ARFIP1: variants seen among roughly 807,000 people sequenced by gnomAD.
The protein encoded by ARFIP1 is arfaptin-1.
Under a neutral mutation model 42.5 loss-of-function variants are expected in ARFIP1, and 24 were observed. The observed-to-expected ratio is 0.57, with a 90% confidence interval of 0.41 to 0.80. The LOEUF is 0.80. Ranked by LOEUF, ARFIP1 falls within the 30% of genes least tolerant of loss-of-function variation. ARFIP1 has a pLI of 0.00. For synonymous variants in ARFIP1, 141 were observed against 153.7 expected (o/e 0.92, Z 0.61); for missense variants, 354 against 434.0 (o/e 0.82, Z 1.64).
intron 1 of ARFIP1, among the ~76,000 whole-genome samples, chr4:152,803,452 A>G (rs1378420150): frequency 2.0e-5 from 3 of 152,176 alleles, no homozygotes; most frequent in African/African-American, 7.2e-5. Context: ...AATGTTTTCC[A>G]GCATCTCTGG....
At chr4:152,886,849 G>A (rs528009309) in intron 7 of ARFIP1, among the ~76,000 whole-genome samples, 3 of 152,034 alleles carry the variant, frequency 2.0e-5, no homozygotes, top group African/African-American at 7.2e-5. Context: ...GTGAATGAAT[G>A]AATGGTTCTC....
intron 2 of ARFIP1, among the ~76,000 whole-genome samples, chr4:152,862,370 T>G (rs1335038599): frequency 6.6e-6 from 1 of 152,086 alleles, no homozygotes; most frequent in Non-Finnish European, 1.5e-5. Flanking sequence ...CTTAACTACA[T>G]TATAAATTGT....
intron 1 of ARFIP1, among the ~76,000 whole-genome samples, chr4:152,788,606 A>G (rs1730952663): frequency 6.6e-6 from 1 of 152,018 alleles, no homozygotes; most frequent in African/African-American, 2.4e-5. Context: ...ACTTGAGCCC[A>G]GGAGGCGGAG....
intron 2 of ARFIP1, among the ~76,000 whole-genome samples, chr4:152,861,536 C>G (rs1733896701): frequency 6.6e-6 from 1 of 152,152 alleles, no homozygotes; most frequent in Non-Finnish European, 1.5e-5. Flanking sequence ...ACATTTAGAA[C>G]ATTAGAATCC....
At position 152,870,866 on chromosome 4, in the gene ARFIP1, T is replaced by G. The variant is rs761709917; in HGVS notation, c.298+18T>G. 3.2e-6 allele frequency: 5 copies of G among 1,583,332 alleles called. No homozygotes were observed. In the South Asian group the frequency reaches 5.5e-5, roughly 18 times the overall value. ...TCCTGCAGGTATTCACTGCACTGAT[T>G]GGATAAAGCACTTATTGCTACTGCT... is the stretch of plus-strand genomic sequence containing the variant. On this transcript the variant is annotated intron_variant, in intron 4 of 8. Transcript: ENST00000353617.
At chr4:152,833,366 A>G (rs144584539) in intron 2 of ARFIP1, among the ~76,000 whole-genome samples, 112 of 152,294 alleles carry the variant, frequency 7.4e-4, no homozygotes, top group African/African-American at 2.4e-3. Context: ...TAGGATGACT[A>G]TTATCAAAAA....
intron 7 of ARFIP1, among the ~76,000 whole-genome samples, chr4:152,883,492 A>G (rs1736015916): frequency 6.6e-6 from 1 of 152,080 alleles, no homozygotes; most frequent in African/African-American, 2.4e-5. Flanking sequence ...TCCAGATTAT[A>G]ACAAGCCTTC....
chr4:152,905,230 A>T (rs1738211483), intron 8 of ARFIP1, among the ~76,000 whole-genome samples: 1 of 152,226 alleles, frequency 6.6e-6, no homozygotes, highest in Non-Finnish European at 1.5e-5. Context: ...ATTGTGTTAC[A>T]TAGTAGCTGC....
At chr4:152,879,535 T>C (rs1735651289) in intron 5 of ARFIP1, among the ~76,000 whole-genome samples, 1 of 152,152 alleles carries the variant, frequency 6.6e-6, no homozygotes, top group African/African-American at 2.4e-5. Flanking sequence ...TTGAAGAACA[T>C]GATAAAGAGC....
chr4:152,836,869 A>C (rs1731690196), intron 2 of ARFIP1, among the ~76,000 whole-genome samples: 1 of 152,074 alleles, frequency 6.6e-6, no homozygotes, highest in African/African-American at 2.4e-5. Context: ...GTGATTTGTT[A>C]GATTTTGGTG....
chr4:152,889,659 T>C (rs1394597433), intron 8 of ARFIP1, among the ~76,000 whole-genome samples: 1 of 130,418 alleles, frequency 7.7e-6, no homozygotes, highest in Non-Finnish European at 1.6e-5. Flanking sequence ...ATATAGTATA[T>C]ATACACTAAT....
intron 8 of ARFIP1, among the ~76,000 whole-genome samples, chr4:152,902,493 C>A (rs1244159952): frequency 4.6e-5 from 7 of 152,124 alleles, no homozygotes; most frequent in Non-Finnish European, 7.4e-5. Flanking sequence ...CAGAGTGAGA[C>A]CCTGTCTCGG....
intron 1 of ARFIP1, among the ~76,000 whole-genome samples, chr4:152,813,485 G>C (rs1729632686): frequency 6.6e-6 from 1 of 151,844 alleles, no homozygotes. Flanking sequence ...TTGATAATCT[G>C]AATATTTTTA....
chr4:152,854,851 G>A (rs147778325), intron 2 of ARFIP1, among the ~76,000 whole-genome samples: 1 of 152,332 alleles, frequency 6.6e-6, no homozygotes, highest in African/African-American at 2.4e-5. Context: ...GCAGTGGTGG[G>A]CTGAGCATGC....
chr4:152,880,861 G>A (rs972277548), intron 5 of ARFIP1, 102 bp from the exon 6 acceptor site: 4 of 870,640 alleles, frequency 4.6e-6, no homozygotes, highest in East Asian at 2.5e-5. Context: ...AGTTTGTTAC[G>A]CTAGCTTGTT....
intron 2 of ARFIP1, among the ~76,000 whole-genome samples, chr4:152,848,713 A>T: frequency 6.6e-6 from 1 of 152,230 alleles, no homozygotes; most frequent in East Asian, 1.9e-4. Flanking sequence ...GGTCAGAGAT[A>T]GTGTGTATAC....
intron 1 of ARFIP1, among the ~76,000 whole-genome samples, chr4:152,787,781 T>C (rs1313436120): frequency 6.6e-6 from 1 of 152,236 alleles, no homozygotes; most frequent in East Asian, 1.9e-4. Flanking sequence ...CTTGGGTCCC[T>C]TCCTGAAGAT....
At chr4:152,798,462 A>C (rs1230227654) in intron 1 of ARFIP1, among the ~76,000 whole-genome samples, 1 of 152,130 alleles carries the variant, frequency 6.6e-6, no homozygotes, top group Non-Finnish European at 1.5e-5. Context: ...ATTTTGTCAC[A>C]TACACTCCAT....
intron 1 of ARFIP1, among the ~76,000 whole-genome samples, chr4:152,793,047 T>C (rs923323324): frequency 2.0e-5 from 3 of 152,224 alleles, no homozygotes; most frequent in Middle Eastern, 3.4e-3. Context: ...GGTGGTTTTG[T>C]AATAGTAATT....
Sources: gnomAD v4.1 joint callset for allele counts (sites outside exome capture counted in the v4.1 genomes callset) on GRCh38, gnomAD v4.1.1 for gene constraint, MANE v1.5 for transcripts, NCBI Gene and HGNC (gene_info 2026-07-23, HGNC 2026-07-21) for gene names.